The following TNFRSF11A variants were observed in gnomAD, a reference collection of about 807,000 sequenced individuals.
The protein encoded by TNFRSF11A is TNF receptor superfamily member 11a.
In TNFRSF11A, 32 loss-of-function variants were observed where a neutral mutation model predicts 55.7. The observed-to-expected ratio is 0.57, with a 90% CI of 0.43 to 0.77. The LOEUF (loss-of-function observed/expected upper bound fraction) is 0.77. Ranked by LOEUF, TNFRSF11A falls within the 30% of genes least tolerant of loss-of-function variation. The probability of loss-of-function intolerance (pLI) is 0.00; values close to 1 mark genes in which losing one functional copy is unlikely to be tolerated. For synonymous variants in TNFRSF11A, 311 were observed against 331.0 expected (o/e 0.94, Z 0.65); for missense variants, 753 against 809.8 (o/e 0.93, Z 0.85).
At chr18:62,336,044 A>T (rs965130471) in intron 1 of TNFRSF11A, among the ~76,000 whole-genome samples, 1 of 152,030 alleles carries the variant, frequency 6.6e-6, no homozygotes, top group Non-Finnish European at 1.5e-5. Context: ...ACTAGGGCCA[A>T]TTCTTCCTAT....
chr18:62,325,429 TA>T lies in TNFRSF11A; in HGVS notation c.75+4del. ...TGCGCGCTGCTCGCCCGGCTGCAGG[TA>T]AGGAGCGCCCGCGCCTGCCGGGCCG... is the stretch of plus-strand genomic sequence containing the variant. On this transcript the variant is annotated splice_donor_region_variant and intron_variant, in intron 1 of 9. Transcript: ENST00000586569. This position sits in a 1 kb window ranked among gnomAD's most constrained non-coding sequence, Gnocchi z 4.7. 1 of 1,255,448 alleles carries T rather than the reference TA, an allele frequency of 8.0e-7. No homozygotes were observed. The highest frequency in any genetic ancestry group is 1.0e-6 in the Non-Finnish European group (1 of 986,770). 77.8% of individuals were successfully genotyped at this position (1,255,448 alleles called of 1,614,324 possible). A position where few individuals can be genotyped will look rare whatever the true frequency, so the allele number is the denominator to read the frequency against.
intron 9 of TNFRSF11A, among the ~76,000 whole-genome samples, chr18:62,380,961 C>A (rs902577599): frequency 6.6e-6 from 1 of 152,048 alleles, no homozygotes; most frequent in Non-Finnish European, 1.5e-5. Context: ...TGCCACCACA[C>A]CCAACTAACT....
chr18:62,328,621 G>A lies in TNFRSF11A; in HGVS notation c.75+3194G>A, dbSNP rs1333488526. Among the ~76,000 whole-genome samples the A allele has an allele frequency of 3.3e-5, 5 of 152,198 alleles. 1 individual carries two copies. The highest frequency in any genetic ancestry group is 4.1e-4 in the South Asian group (2 of 4,820). ...GGAGCGCCCATGGGGAGACCCCTCC[G>A]AAGAAATCCCCCAGGGTGTGACTCT... is the stretch of plus-strand genomic sequence containing the variant. On this transcript the variant is annotated intron_variant, in intron 1 of 9. Transcript: ENST00000586569.
intron 3 of TNFRSF11A, among the ~76,000 whole-genome samples, 183 bp from the exon 4 acceptor site, chr18:62,354,208 G>A (rs1248191763): frequency 1.3e-5 from 2 of 152,204 alleles, no homozygotes; most frequent in South Asian, 2.1e-4. Context: ...TGACGTTTTC[G>A]TGCCAGTGCA....
At position 62,332,670 on chromosome 18, in the gene TNFRSF11A, C is replaced by A. The variant is rs559682280; in HGVS notation, c.75+7243C>A. On this transcript the variant is annotated intron_variant, in intron 1 of 9. Coordinates refer to ENST00000586569, the MANE Select transcript of TNFRSF11A (RefSeq NM_003839.4). ...TCTATTGTTGAAGATTGTTAGCCCA[C>A]AACTTCCCCTTCCCCAGGGTTATTC... 2.0e-5 allele frequency among the ~76,000 whole-genome samples: 3 copies of A among 152,324 alleles called. 1 individual carries two copies. The South Asian group carries it at 6.2e-4, about 32-fold the overall frequency.
At chr18:62,358,222 G>GTTA in intron 4 of TNFRSF11A, 26 bp from the exon 5 acceptor site, 1 of 1,482,804 alleles carries the variant, frequency 6.7e-7, no homozygotes, top group Non-Finnish European at 9.3e-7. Context: ...TTCTGTCTGG[G>GTTA]TTGTTTTTTT....
Position 62,368,098 on chromosome 18 carries a change from C to A in TNFRSF11A, c.784-603C>A, listed in dbSNP as rs1910234503. 2.0e-5 allele frequency among the ~76,000 whole-genome samples: 3 copies of A among 152,120 alleles called. No individual in the cohort carries two copies. In the South Asian group the frequency reaches 6.2e-4, roughly 32 times the overall value. On this transcript the variant is annotated intron_variant, in intron 8 of 9. Coordinates refer to ENST00000586569, the MANE Select transcript of TNFRSF11A (RefSeq NM_003839.4). ...CATGAGCCACCACGCCTGGTTAGAT[C>A]TACTTTCTTTGATATAAAATGTATA... is the stretch of plus-strand genomic sequence containing the variant.
rs7237183 is a variant in TNFRSF11A at position 62,337,539 on chromosome 18, G to T, written c.76-10629G>T. On this transcript the variant is annotated intron_variant, in intron 1 of 9. Coordinates refer to ENST00000586569, the MANE Select transcript of TNFRSF11A (RefSeq NM_003839.4). The stretch of plus-strand genomic sequence containing the variant: ...TATCTTGCTGTTTCTCCGTCAAGCC[G>T]TGCATGCTTCCTCCAAGGGCCTTGG... 9.4e-3 allele frequency among the ~76,000 whole-genome samples: 1,429 copies of T among 152,242 alleles called. 7 individuals carry two copies. Among genetic ancestry groups the T allele is most frequent in the Non-Finnish European group, 0.015 (1,019 of 68,020 alleles).
chr18:62,368,743 T>G lies in TNFRSF11A; in HGVS notation c.826T>G (p.Phe276Val), dbSNP rs1410020569. The G allele has an allele frequency of 1.2e-5, 19 of 1,614,196 alleles. No homozygotes were observed. Among genetic ancestry groups the G allele is most frequent in the Non-Finnish European group, 1.6e-5 (19 of 1,180,038 alleles). Residue 276 changes from phenylalanine (F) to valine (V), a missense_variant, in exon 9 of 10, where the codon TTT (phenylalanine) becomes GTT (valine). Around this residue, in one of 3 missense-constraint regions of TNFRSF11A, gnomAD observed 567 missense variants for 596.7 expected, o/e 0.95. Coordinates refer to ENST00000586569, the MANE Select transcript of TNFRSF11A (RefSeq NM_003839.4). ...TTGTGTCAGTACACACACGGCAAAC[T>G]TTGGTCAGCAGGGAGCATGTGAAGG... ...DSCVSTHTAN[F>V]GQQGACEGVL...
At chr18:62,338,184 G>A (rs1252330733) in intron 1 of TNFRSF11A, among the ~76,000 whole-genome samples, 2 of 152,326 alleles carry the variant, frequency 1.3e-5, no homozygotes, top group East Asian at 3.9e-4. Flanking sequence ...AATAACATGT[G>A]TTGTTGAAGA....
At chr18:62,378,281 T>C (rs985133272) in intron 9 of TNFRSF11A, among the ~76,000 whole-genome samples, 2 of 152,262 alleles carry the variant, frequency 1.3e-5, no homozygotes, top group African/African-American at 4.8e-5. Context: ...TGATCTACTC[T>C]CATGCTACAT....
intron 1 of TNFRSF11A, among the ~76,000 whole-genome samples, chr18:62,343,964 A>G (rs1423166617): frequency 1.3e-5 from 2 of 152,228 alleles, no homozygotes; most frequent in Admixed American, 1.3e-4. Flanking sequence ...CTATCAATCC[A>G]TGGCTGCTTT....
intron 9 of TNFRSF11A, among the ~76,000 whole-genome samples, chr18:62,384,390 C>T (rs1482113858): frequency 1.4e-5 from 2 of 142,076 alleles, no homozygotes; most frequent in Admixed American, 6.9e-5. Context: ...TCCTCCCCTC[C>T]TCCTCCCCCC....
intron 1 of TNFRSF11A, among the ~76,000 whole-genome samples, chr18:62,343,422 T>G (rs1360739732): frequency 6.6e-6 from 1 of 152,154 alleles, no homozygotes; most frequent in African/African-American, 2.4e-5. Context: ...AAAATAAATA[T>G]TTAAGTCAAC....
At chr18:62,368,552 A>G in intron 8 of TNFRSF11A, 149 bp from the exon 9 acceptor site, 1 of 813,076 alleles carries the variant, frequency 1.2e-6, no homozygotes, top group Middle Eastern at 2.7e-4. Context: ...GGTAATTTGA[A>G]ATAACACAAA....
Position 62,354,446 on chromosome 18 carries a change from G to T in TNFRSF11A, c.339G>T (p.Ala113=), listed in dbSNP as rs1211546646. The change falls in exon 4 of 10, where the codon GCG becomes GCT. Residue 113 remains alanine (A), a synonymous_variant. Transcript: ENST00000586569. ...AGNSTTPRRC[A]CTAGYHWSQD... is the part of the protein sequence containing the mutation. Reference sequence around the variant, plus strand: ...ACAGCACGACCCCCCGGCGCTGCGCGTGCACGGCTGGGTACCACTGGAGCC... The same window carrying T: ...ACAGCACGACCCCCCGGCGCTGCGCTTGCACGGCTGGGTACCACTGGAGCC... 5 of 1,599,758 alleles carry T rather than the reference G, an allele frequency of 3.1e-6. No homozygotes were observed. Among genetic ancestry groups the T allele is most frequent in the South Asian group, 1.1e-5 (1 of 90,910 alleles).
At position 62,389,124 on chromosome 18, in the gene TNFRSF11A, G is replaced by C. The variant is rs1195955176; in HGVS notation, c.*4090G>C. ...CTGTTGGTGAATCATCATGTTTATT[G>C]AGTGTGCTTTTAGTGGCAGGGCCCT... On this transcript the variant is annotated 3_prime_UTR_variant, in exon 10 of 10. Transcript: ENST00000586569. The C allele has an allele frequency of 6.6e-6, 1 of 152,274 alleles. No homozygotes were observed. The highest frequency in any genetic ancestry group is 1.5e-5 in the Non-Finnish European group (1 of 68,130). 9.4% of individuals were successfully genotyped at this position (152,274 alleles called of 1,614,324 possible). A position where few individuals can be genotyped will look rare whatever the true frequency, so the allele number is the denominator to read the frequency against.
intron 1 of TNFRSF11A, among the ~76,000 whole-genome samples, chr18:62,328,620 C>T (rs750745283): frequency 5.9e-5 from 9 of 152,096 alleles, no homozygotes; most frequent in East Asian, 1.9e-4. Context: ...GAGACCCCTC[C>T]GAAGAAATCC....
At chr18:62,350,059 A>G in intron 3 of TNFRSF11A, 122 bp downstream of exon 3, 1 of 1,353,610 alleles carries the variant, frequency 7.4e-7, no homozygotes, top group East Asian at 2.3e-5. Context: ...GGAAGTTGTG[A>G]CTACACATCC....
Sources: gnomAD v4.1 joint callset for allele counts (sites outside exome capture counted in the v4.1 genomes callset) on GRCh38, gnomAD v4.1.1 for gene constraint, gnomAD v4.1.1 regional missense constraint, Gnocchi (gnomAD v3.1) non-coding constraint, MANE v1.5 for transcripts, NCBI Gene and HGNC (gene_info 2026-07-23, HGNC 2026-07-21) for gene names.